PAX6: variants seen among roughly 807,000 people sequenced by gnomAD.
PAX6 encodes the protein paired box protein Pax-6.
In PAX6, 7 loss-of-function variants were observed where a neutral mutation model predicts 60.7. The observed-to-expected ratio is 0.12, with a 90% CI of 0.07 to 0.22. The LOEUF is 0.22. PAX6 is among the 10% of genes least tolerant of loss of function. The pLI, the probability that PAX6 is intolerant of heterozygous loss-of-function variation, is 1.00. For synonymous variants in PAX6, 208 were observed against 201.2 expected, an observed-to-expected ratio of 1.03 and a Z score of -0.29; for missense variants, 355 against 555.2, an observed-to-expected ratio of 0.64 and a Z score of 3.62.
chr11:31,793,539 A>T lies in PAX6; in HGVS notation c.973T>A (p.Ser325Thr). Residue 325 changes from serine (S) to threonine (T), a missense_variant, in exon 12 of 14, where the codon TCT becomes ACT. Transcript: ENST00000640368. Reference sequence around the variant, plus strand: ...TCTGTTCGGCCCAACATGGAGCCAGATGTGAAGGAGGAAACTGAGGGCAAG... The same window carrying T: ...TCTGTTCGGCCCAACATGGAGCCAGTTGTGAAGGAGGAAACTGAGGGCAAG... The part of the protein sequence containing the change: ...QPTTPVSSFT[S>T]GSMLGRTDTA... The T allele has an allele frequency of 6.2e-7, 1 of 1,614,232 alleles. No individual in the cohort carries two copies.
chr11:31,793,971 G>A lies in PAX6; in HGVS notation c.807+61C>T. On this transcript the variant is annotated intron_variant, in intron 10 of 13. Transcript: ENST00000640368. Reference sequence around the variant, plus strand: ...AATAGTACTCTGTACAAGCACCTCTGTCTCTAGGAAAGACAAATGGTATGA... The same window carrying A: ...AATAGTACTCTGTACAAGCACCTCTATCTCTAGGAAAGACAAATGGTATGA... 3.1e-6 allele frequency: 4 copies of A among 1,310,566 alleles called. No individual in the cohort carries two copies. The South Asian group carries it at 4.7e-5, about 15-fold the overall frequency. The allele number at this position is 1,310,566 out of a possible 1,614,324, so 81.2% of individuals were successfully genotyped here. A position where few individuals can be genotyped will look rare whatever the true frequency, so the allele number is the denominator to read the frequency against.
intron 4 of PAX6, chr11:31,803,682 C>T (rs1954861114): frequency 6.6e-6 from 1 of 152,636 alleles, no homozygotes; most frequent in Admixed American, 6.5e-5. Flanking sequence ...TCGGTTCGCA[C>T]CAGCCACTGC....
intron 4 of PAX6, chr11:31,803,195 T>C (rs938740984): frequency 2.9e-6 from 1 of 345,890 alleles, no homozygotes. Context: ...TGGACCTCAC[T>C]ACAGCCATAA....
rs1230504203 is a variant in PAX6 at position 31,790,737 on chromosome 11, T to C, written c.1198A>G (p.Met400Val). 6.2e-7 allele frequency: 1 copy of C among 1,614,066 alleles called. No individual in the cohort carries two copies. Among genetic ancestry groups the C allele is most frequent in the Admixed American group, 1.7e-5 (1 of 60,024 alleles). ...HMQTHMNSQP[M>V]GTSGTTSTGL... ...GTTGAAGTGGTGCCCGAGGTGCCCATTGGCTGACTGTTCATGTGTGTCTGC... is the reference window on the plus strand; with the variant it reads ...GTTGAAGTGGTGCCCGAGGTGCCCACTGGCTGACTGTTCATGTGTGTCTGC... Residue 400 changes from methionine to valine, a missense_variant, in exon 13 of 14, where the codon ATG (methionine) becomes GTG (valine). By Grantham distance (21) the Met-to-Val change is conservative. This residue lies in a region of PAX6 where 149 missense variants were observed against 191.9 expected (regional missense o/e 0.78). Transcript: ENST00000640368.
At chr11:31,815,028 C>T (rs1565286191), upstream of PAX6, 1 of 143,702 alleles carries the variant, frequency 7.0e-6, no homozygotes, top group Middle Eastern at 3.3e-3. Flanking sequence ...CTCTCTCTCT[C>T]TTTCTCTCTC....
chr11:31,794,317 C>A (rs1401109623), intron 9 of PAX6: 1 of 643,150 alleles, frequency 1.6e-6, no homozygotes, highest in South Asian at 1.8e-5. Context: ...ATTCAGTGAC[C>A]TTTCTGTGGC....
chr11:31,797,070 T>C (rs980722284), intron 8 of PAX6, among the ~76,000 whole-genome samples: 9 of 152,132 alleles, frequency 5.9e-5, no homozygotes, highest in African/African-American at 1.9e-4. Flanking sequence ...AAATAGCTCC[T>C]TTTGGCCAAC....
At chr11:31,797,543 G>A (rs1157444314) in intron 8 of PAX6, among the ~76,000 whole-genome samples, 2 of 151,818 alleles carry the variant, frequency 1.3e-5, no homozygotes, top group Admixed American at 1.3e-4. Flanking sequence ...GGGAAGCGGG[G>A]ATTGGAATTC....
At chr11:31,791,650 T>C (rs1174552773) in intron 12 of PAX6, 1 of 152,434 alleles carries the variant, frequency 6.6e-6, no homozygotes, top group East Asian at 1.9e-4. Context: ...GGTCAGATGA[T>C]AGTACAGTAT....
At chr11:31,806,316 G>A in intron 4 of PAX6, 86 bp downstream of exon 4, 7 of 1,485,530 alleles carry the variant, frequency 4.7e-6, no homozygotes, top group Non-Finnish European at 5.5e-6. Context: ...GGGCCAGCGC[G>A]GGCGTCGCGA....
chr11:31,816,107 A>G (rs1399308744), upstream of PAX6, among the ~76,000 whole-genome samples: 6 of 152,238 alleles, frequency 3.9e-5, no homozygotes, highest in African/African-American at 1.2e-4. Flanking sequence ...GGTGGCGTCC[A>G]GCCCCTGCAC....
intron 4 of PAX6, 105 bp from the exon 5 acceptor site, chr11:31,802,939 C>A (rs1954601080): frequency 1.8e-6 from 2 of 1,130,766 alleles, no homozygotes; most frequent in Non-Finnish European, 1.3e-6. Context: ...AGAACAAGAA[C>A]AGAAAGGAGA....
intron 7 of PAX6, chr11:31,801,350 G>A (rs1953777121): frequency 6.2e-6 from 9 of 1,460,508 alleles, no homozygotes; most frequent in Non-Finnish European, 5.4e-6. Flanking sequence ...TGCAAATGAA[G>A]TGAATGACTC....
At chr11:31,814,806 G>A (rs945547461), upstream of PAX6, 3 of 152,460 alleles carry the variant, frequency 2.0e-5, no homozygotes, top group Non-Finnish European at 4.4e-5. Flanking sequence ...GCCGAGCCCA[G>A]AGCCTAGAAA....
chr11:31,800,755 G>A lies in PAX6; in HGVS notation c.501C>T (p.Thr167=), dbSNP rs201200280. 3.7e-5 allele frequency: 60 copies of A among 1,614,060 alleles called. No individual in the cohort carries two copies. In the Middle Eastern group the frequency reaches 2.5e-3, roughly 66 times the overall value. The stretch of plus-strand genomic sequence containing the variant: ...AACCAGGGCGGGTGCCCCAGCTTCC[G>A]GTCTGCCCGTTCAACATCCTTAGTT... ...YDKLRMLNGQ[T]GSWGTRPGWY... Residue 167 remains threonine, a synonymous_variant, in exon 8 of 14, where the codon ACC becomes ACT. Transcript: ENST00000640368.
chr11:31,802,194 A>ACTC, intron 5 of PAX6: 2 of 449,302 alleles, frequency 4.5e-6, no homozygotes, highest in Non-Finnish European at 7.9e-6. Context: ...TGATTTTTTT[A>ACTC]CTTCTTCTTC....
At chr11:31,805,073 A>T (rs2135246674) in intron 4 of PAX6, 1 of 152,390 alleles carries the variant, frequency 6.6e-6, no homozygotes, top group Admixed American at 6.5e-5. Context: ...TAATAGGAAA[A>T]CATATGGTGT....
At chr11:31,815,472 C>A (rs1230920860), upstream of PAX6, among the ~76,000 whole-genome samples, 1 of 152,020 alleles carries the variant, frequency 6.6e-6, no homozygotes, top group African/African-American at 2.4e-5. Flanking sequence ...CGTTGTAGAC[C>A]TGGGAACAGG....
intron 8 of PAX6, among the ~76,000 whole-genome samples, chr11:31,797,700 T>TC (rs1173696773): frequency 6.6e-6 from 1 of 151,700 alleles, no homozygotes; most frequent in Non-Finnish European, 1.5e-5. Flanking sequence ...TGGGTACATT[T>TC]CCCCCCACTT....
Sources: allele counts gnomAD v4.1 joint callset (sites outside exome capture counted in the v4.1 genomes callset), GRCh38; gene constraint gnomAD v4.1.1; regional missense constraint gnomAD v4.1.1; transcripts MANE v1.5; gene names NCBI Gene and HGNC (gene_info 2026-07-23, HGNC 2026-07-21).